LCP1: variants seen among roughly 807,000 people sequenced by gnomAD.
LCP1 encodes the protein lymphocyte cytosolic protein 1.
Under a neutral mutation model 72.0 loss-of-function variants are expected in LCP1, and 23 were observed. The observed-to-expected ratio is 0.32, with a 90% CI of 0.23 to 0.45. The LOEUF (loss-of-function observed/expected upper bound fraction) is 0.45, where lower values mean the gene tolerates loss of function less well. Ranked by LOEUF, LCP1 falls within the 20% of genes least tolerant of loss-of-function variation. The pLI, the probability that LCP1 is intolerant of heterozygous loss-of-function variation, is 1.00. For synonymous variants in LCP1, 245 were observed against 275.4 expected (o/e 0.89, Z 1.09); for missense variants, 571 against 748.3 (o/e 0.76, Z 2.76).
chr13:46,148,652 C>A (rs371118133), intron 8 of LCP1: 15 of 506,766 alleles, frequency 3.0e-5, no homozygotes, highest in African/African-American at 2.1e-4. Context: ...TTAAAAGGAG[C>A]GTAACAATAA....
intron 15 of LCP1, 50 bp downstream of exon 15, chr13:46,130,764 G>A: frequency 6.2e-7 from 1 of 1,607,080 alleles, no homozygotes; most frequent in South Asian, 1.1e-5. Flanking sequence ...CCATCCAGCT[G>A]CCAGTTGGGT....
intron 8 of LCP1, 74 bp downstream of exon 8, chr13:46,150,862 T>C (rs2045759198): frequency 1.3e-6 from 2 of 1,505,358 alleles, no homozygotes; most frequent in African/African-American, 2.8e-5. Flanking sequence ...CCCAAATCTT[T>C]ATCTTTTCTT....
intron 1 of LCP1, among the ~76,000 whole-genome samples, chr13:46,174,451 A>G (rs560809884): frequency 6.6e-6 from 1 of 152,318 alleles, no homozygotes; most frequent in South Asian, 2.1e-4. Flanking sequence ...AAGACTTCCC[A>G]CCATAAAATC....
intron 13 of LCP1, among the ~76,000 whole-genome samples, chr13:46,137,279 T>C (rs1407090333): frequency 6.6e-6 from 1 of 151,236 alleles, no homozygotes; most frequent in Non-Finnish European, 1.5e-5. Context: ...GGCTCATGCC[T>C]GTAATTCGAG....
intron 1 of LCP1, 100 bp from the exon 2 acceptor site, chr13:46,159,786 T>C (rs1246741042): frequency 2.9e-6 from 2 of 700,484 alleles, no homozygotes; most frequent in Non-Finnish European, 5.0e-6. Flanking sequence ...AGAAATATTC[T>C]TCTGCATCCC....
chr13:46,130,432 C>T (rs1170073653), intron 15 of LCP1, among the ~76,000 whole-genome samples: 4 of 152,228 alleles, frequency 2.6e-5, no homozygotes, highest in African/African-American at 9.6e-5. Context: ...AAACACAAGA[C>T]AGTGGCTTTC....
Position 46,148,412 on chromosome 13 carries a change from C to T in LCP1, c.918G>A (p.Val306=), listed in dbSNP as rs1213417251. ...SKAYYHLLEQ[V]APKGDEEGVP... ...CACCTTCTTCATCTCCTTTTGGAGC[C>T]ACCTGCTCAAGCAGGTGGTAATAAG... Residue 306 remains valine (V), a synonymous_variant, in exon 9 of 16, where the codon GTG becomes GTA. Transcript: ENST00000323076. 1 of 1,612,936 alleles carries T rather than the reference C, an allele frequency of 6.2e-7. No individual in the cohort carries two copies. Among genetic ancestry groups the T allele is most frequent in the Admixed American group, 1.7e-5 (1 of 60,022 alleles).
intron 12 of LCP1, 88 bp from the exon 13 acceptor site, chr13:46,142,513 G>A: frequency 7.1e-7 from 1 of 1,409,568 alleles, no homozygotes; most frequent in Non-Finnish European, 9.7e-7. Flanking sequence ...GATAAAAAAT[G>A]AAATAAATAT....
chr13:46,135,401 T>A (rs956754035), intron 13 of LCP1, among the ~76,000 whole-genome samples: 2 of 152,204 alleles, frequency 1.3e-5, no homozygotes, highest in Non-Finnish European at 2.9e-5. Context: ...CACCCTCCAC[T>A]TGTGTGCTCT....
intron 8 of LCP1, among the ~76,000 whole-genome samples, chr13:46,150,190 T>C (rs1257558281): frequency 6.6e-6 from 1 of 152,258 alleles, no homozygotes; most frequent in Non-Finnish European, 1.5e-5. Flanking sequence ...AAGTGGAGAC[T>C]GAAGTATTTT....
chr13:46,144,812 T>C (rs961388016), intron 10 of LCP1, among the ~76,000 whole-genome samples: 9 of 152,146 alleles, frequency 5.9e-5, no homozygotes, highest in Non-Finnish European at 2.9e-5. Flanking sequence ...AACAGGACTT[T>C]TAGGCATCAA....
At position 46,151,081 on chromosome 13, in the gene LCP1, G is replaced by A. The variant is rs542068402; in HGVS notation, c.740-3C>T. ...TTCTCTCAAAAGAGCAATCAGAGCT[G>A]AAGAAGCACAAAAACCACAGAAAAA... On this transcript the variant is annotated splice_polypyrimidine_tract_variant and splice_region_variant and intron_variant, in intron 7 of 15. Coordinates refer to ENST00000323076, the MANE Select transcript of LCP1 (RefSeq NM_002298.5). The A allele has an allele frequency of 6.9e-5, 111 of 1,604,082 alleles. No homozygotes were observed. The highest frequency in any genetic ancestry group is 8.9e-5 in the Non-Finnish European group (105 of 1,177,280).
At chr13:46,165,379 C>CAA (rs375432920) in intron 1 of LCP1, among the ~76,000 whole-genome samples, 1 of 139,878 alleles carries the variant, frequency 7.1e-6, no homozygotes, top group Non-Finnish European at 1.6e-5. Context: ...ATTTCAAAAA[C>CAA]AAAAAAAAAA....
At position 46,159,624 on chromosome 13, in the gene LCP1, C is replaced by G; in HGVS notation, c.39G>C (p.Glu13Asp). 6.2e-7 allele frequency: 1 copy of G among 1,614,150 alleles called. No homozygotes were observed. The highest frequency in any genetic ancestry group is 8.5e-7 in the Non-Finnish European group (1 of 1,179,998). The change falls in exon 2 of 16, where the codon GAG (glutamate) becomes GAC (aspartate). Residue 13 changes from glutamate (E) to aspartate (D), a missense_variant. By Grantham distance (45) the Glu-to-Asp change is conservative (BLOSUM62 2). Coordinates refer to ENST00000323076, the MANE Select transcript of LCP1 (RefSeq NM_002298.5). ...RGSVSDEEMM[E>D]LREAFAKVDT... ...CAACTTTGGCAAAAGCTTCTCTGAG[C>G]TCCATCATTTCCTCATCGGACACTG...
At chr13:46,182,022 C>T (rs2045958450) in intron 1 of LCP1, 89 bp downstream of exon 1, 1 of 152,220 alleles carries the variant, frequency 6.6e-6, no homozygotes, top group Non-Finnish European at 1.5e-5. Context: ...TCTCTGGTCC[C>T]CTGAAGGCAA....
At chr13:46,148,117 C>T (rs2045741559) in intron 9 of LCP1, among the ~76,000 whole-genome samples, 1 of 152,164 alleles carries the variant, frequency 6.6e-6, no homozygotes, top group South Asian at 2.1e-4. Context: ...TATAGAATTG[C>T]CTAGCATGCT....
chr13:46,148,680 CA>C, intron 8 of LCP1: 1 of 499,210 alleles, frequency 2.0e-6, no homozygotes, highest in Non-Finnish European at 3.2e-6. Context: ...AAGATATACA[CA>C]AAAGGCACCC....
chr13:46,132,520 A>T (rs900298414), intron 14 of LCP1, among the ~76,000 whole-genome samples: 1 of 152,194 alleles, frequency 6.6e-6, no homozygotes, highest in Non-Finnish European at 1.5e-5. Context: ...CAGCTTCACA[A>T]TGTCAGCGAA....
rs138687315 is a variant in LCP1 at position 46,141,155 on chromosome 13, C to A, written c.1502+1137G>T. Among the ~76,000 whole-genome samples, 29 of 152,172 alleles carry A rather than the reference C, an allele frequency of 1.9e-4. No individual in the cohort carries two copies. The East Asian group carries it at 4.3e-3, about 22-fold the overall frequency. ...GGGCATGGTGGCTCATGCCTGTAAT[C>A]CCAGCAGTTTGGGAGGCTGAGGCAC... On this transcript the variant is annotated intron_variant, in intron 13 of 15. Coordinates refer to ENST00000323076, the MANE Select transcript of LCP1 (RefSeq NM_002298.5).
Sources: allele counts gnomAD v4.1 joint callset (sites outside exome capture counted in the v4.1 genomes callset), GRCh38; gene constraint gnomAD v4.1.1; transcripts MANE v1.5; gene names NCBI Gene and HGNC (gene_info 2026-07-23, HGNC 2026-07-21).